The following DNMBP variants were observed in gnomAD, a reference collection of about 807,000 sequenced individuals.
The protein encoded by DNMBP is dynamin-binding protein.
Under a neutral mutation model 150.0 loss-of-function variants are expected in DNMBP, and 87 were observed. The ratio of observed to expected loss-of-function variants is 0.58; its 90% confidence interval spans 0.49 to 0.69. DNMBP has a LOEUF of 0.69. Ranked by LOEUF, DNMBP falls within the 30% of genes least tolerant of loss-of-function variation. The probability of loss-of-function intolerance (pLI) is 0.00; values close to 1 mark genes in which losing one functional copy is unlikely to be tolerated. For synonymous variants in DNMBP, 711 were observed against 750.4 expected (o/e 0.95, Z 0.86); for missense variants, 1,774 against 1,949.0 (o/e 0.91, Z 1.69).
chr10:99,893,411 T>A (rs1470984873), intron 11 of DNMBP, among the ~76,000 whole-genome samples: 3 of 152,182 alleles, frequency 2.0e-5, no homozygotes, highest in Non-Finnish European at 2.9e-5. Flanking sequence ...TTATGACTTG[T>A]CCACAGTGAT....
chr10:99,954,842 G>A (rs2040465516), intron 4 of DNMBP, among the ~76,000 whole-genome samples: 1 of 151,796 alleles, frequency 6.6e-6, no homozygotes, highest in African/African-American at 2.4e-5. Flanking sequence ...CCCAAGGCCA[G>A]GAGTTCAAGA....
At chr10:99,929,558 T>C (rs530351498) in intron 4 of DNMBP, 1 of 613,006 alleles carries the variant, frequency 1.6e-6, no homozygotes, top group South Asian at 2.0e-5. Context: ...ATAACTACCC[T>C]TTAAATCTAT....
At chr10:100,000,476 T>C (rs1247648679) in intron 1 of DNMBP, among the ~76,000 whole-genome samples, 1 of 152,114 alleles carries the variant, frequency 6.6e-6, no homozygotes, top group Non-Finnish European at 1.5e-5. Flanking sequence ...TTCGGGAAAA[T>C]GCAGCCTCCG....
At chr10:99,904,766 C>T (rs1188979225) in intron 6 of DNMBP, among the ~76,000 whole-genome samples, 1 of 152,064 alleles carries the variant, frequency 6.6e-6, no homozygotes, top group East Asian at 1.9e-4. Context: ...GGACAAGAAG[C>T]GAAGGGAAGA....
At chr10:99,981,168 T>C (rs2040776990) in intron 1 of DNMBP, among the ~76,000 whole-genome samples, 1 of 152,120 alleles carries the variant, frequency 6.6e-6, no homozygotes, top group Non-Finnish European at 1.5e-5. Context: ...AAAGAAGGCC[T>C]GGAGGACTCA....
chr10:99,879,309 C>T (rs1336924276), intron 16 of DNMBP, among the ~76,000 whole-genome samples: 1 of 151,720 alleles, frequency 6.6e-6, no homozygotes, highest in Non-Finnish European at 1.5e-5. Context: ...ACTGAAAATA[C>T]AAAAATTAGC....
At chr10:99,905,525 C>T (rs2039813881) in intron 6 of DNMBP, among the ~76,000 whole-genome samples, 1 of 152,060 alleles carries the variant, frequency 6.6e-6, no homozygotes, top group East Asian at 1.9e-4. Flanking sequence ...GAATTCAAGA[C>T]CAGCCTGGGC....
intron 3 of DNMBP, among the ~76,000 whole-genome samples, chr10:99,964,884 AAAT>A (rs751111299): frequency 0.056 from 7,568 of 134,632 alleles, 228 homozygotes; most frequent in African/African-American, 0.1. Context: ...GAAAAAAAAA[AAAT>A]ATATATATAT....
At chr10:99,892,620 C>A (rs965590305) in intron 11 of DNMBP, among the ~76,000 whole-genome samples, 25 of 135,716 alleles carry the variant, frequency 1.8e-4, no homozygotes, top group African/African-American at 7.1e-4. Flanking sequence ...ACAAACACTG[C>A]GGAAGGCCGC....
Position 99,908,254 on chromosome 10 carries a change from CT to C in DNMBP, c.2455-161del, listed in dbSNP as rs1489102855. ...CCAGACTAGAAATATCCAACATTATCTTTAGTGTCATCCTTTGTCCTTGATC... is the reference window on the plus strand; with the variant it reads ...CCAGACTAGAAATATCCAACATTATCTTAGTGTCATCCTTTGTCCTTGATC... On this transcript the variant is annotated intron_variant, in intron 5 of 16. Coordinates refer to ENST00000324109, the MANE Select transcript of DNMBP (RefSeq NM_015221.4). Among the ~76,000 whole-genome samples the C allele has an allele frequency of 2.0e-5, 3 of 152,234 alleles. No homozygotes were observed. The East Asian group carries it at 5.8e-4, about 29-fold the overall frequency.
At chr10:99,927,687 T>C (rs765708846) in intron 4 of DNMBP, among the ~76,000 whole-genome samples, 3 of 152,152 alleles carry the variant, frequency 2.0e-5, no homozygotes, top group Non-Finnish European at 4.4e-5. Flanking sequence ...TCAAGAAGGA[T>C]ATTAGGGGTA....
chr10:99,933,826 T>C (rs2040190160), intron 4 of DNMBP, among the ~76,000 whole-genome samples: 1 of 152,282 alleles, frequency 6.6e-6, no homozygotes, highest in African/African-American at 2.4e-5. Context: ...AAGCTCCGCC[T>C]CCCAGGTTCA....
chr10:99,879,752 G>C, intron 16 of DNMBP, 59 bp downstream of exon 16: 1 of 1,592,434 alleles, frequency 6.3e-7, no homozygotes, highest in Non-Finnish European at 8.6e-7. Context: ...ACCCCCGCTG[G>C]TACCCACAAC....
intron 8 of DNMBP, 84 bp from the exon 9 acceptor site, chr10:99,898,369 A>T (rs1293056529): frequency 8.3e-7 from 1 of 1,202,582 alleles, no homozygotes; most frequent in African/African-American, 1.5e-5. Context: ...CCACCTTAAA[A>T]AAAACTTTTT....
Position 99,957,110 on chromosome 10 carries a change from G to A in DNMBP, c.364C>T (p.Arg122Cys), listed in dbSNP as rs139729649. 22 of 1,613,778 alleles carry A rather than the reference G, an allele frequency of 1.4e-5. No individual in the cohort carries two copies. In the East Asian group the frequency reaches 2.2e-4, roughly 16 times the overall value. The stretch of plus-strand genomic sequence containing the variant: ...CTCTGTGAGGAGAGGCAGAGCTCGC[G>A]GACACATGAAGATGGGAAGAAGCCC... Reference protein sequence around the residue: ...ARGFFPSSCVRELCLSSQSRQ... With the variant: ...ARGFFPSSCVCELCLSSQSRQ... Residue 122 changes from arginine (R) to cysteine (C), a missense_variant, in exon 4 of 17, where the codon CGC becomes TGC. This residue lies in a region of DNMBP where 344 missense variants were observed against 456.6 expected (regional missense o/e 0.75). Coordinates refer to ENST00000324109, the MANE Select transcript of DNMBP (RefSeq NM_015221.4).
At chr10:99,889,472 T>A (rs1027804235) in intron 11 of DNMBP, 1 of 152,724 alleles carries the variant, frequency 6.5e-6, no homozygotes, top group Non-Finnish European at 1.5e-5. Flanking sequence ...ATGATTAGAA[T>A]TGACTAATGC....
chr10:99,906,595 C>T (rs75735927), intron 6 of DNMBP, among the ~76,000 whole-genome samples: 4,633 of 152,248 alleles, frequency 0.03, 100 homozygotes, highest in Non-Finnish European at 0.048. Flanking sequence ...TTCTGTCTCT[C>T]GCTCTCTCTC....
chr10:99,883,930 T>C, intron 15 of DNMBP, 81 bp downstream of exon 15: 4 of 1,352,746 alleles, frequency 3.0e-6, no homozygotes, highest in Non-Finnish European at 4.1e-6. Context: ...TTTTTTTTCC[T>C]GGCCTAGTCC....
intron 1 of DNMBP, among the ~76,000 whole-genome samples, chr10:99,991,722 T>C (rs1044311689): frequency 1.3e-5 from 2 of 151,308 alleles, no homozygotes; most frequent in Non-Finnish European, 2.9e-5. Context: ...CTGGCTAACA[T>C]GGTGAAACCC....
Sources: allele counts gnomAD v4.1 joint callset (sites outside exome capture counted in the v4.1 genomes callset), GRCh38; gene constraint gnomAD v4.1.1; regional missense constraint gnomAD v4.1.1; transcripts MANE v1.5; gene names NCBI Gene and HGNC (gene_info 2026-07-23, HGNC 2026-07-21).